RSPH14: variants seen among roughly 807,000 people sequenced by gnomAD.
The protein encoded by RSPH14 is rhabdoid tumor deletion region gene 1.
A neutral mutation model predicts 26.7 loss-of-function variants in RSPH14; 20 were observed. The ratio of observed to expected loss-of-function variants is 0.75; its 90% CI spans 0.53 to 1.09. RSPH14 has a LOEUF of 1.09. Ranked by LOEUF, RSPH14 falls within the 50% of genes least tolerant of loss-of-function variation. The pLI is 0.00. For missense variants in RSPH14, 449 were observed against 457.2 expected, an observed-to-expected ratio of 0.98 and a Z score of 0.16; for synonymous variants, 177 against 189.3, an observed-to-expected ratio of 0.93 and a Z score of 0.53.
Position 23,140,361 on chromosome 22 carries a change from G to T in RSPH14, c.60C>A (p.Thr20=). The stretch of plus-strand genomic sequence containing the variant: ...GCAGGGCCCGATGGCCATAGGCAGT[G>T]GTAATCTGGGTGGCATTGATGTTAA... ...LPININATQI[T]TAYGHRALPK... is the part of the protein sequence containing the mutation. The change falls in exon 2 of 7, where the codon ACC becomes ACA. Residue 20 remains threonine (T), a synonymous_variant. Coordinates refer to ENST00000216036, the MANE Select transcript of RSPH14 (RefSeq NM_014433.3). The T allele has an allele frequency of 6.2e-7, 1 of 1,614,204 alleles. No individual in the cohort carries two copies. Among genetic ancestry groups the T allele is most frequent in the Non-Finnish European group, 8.5e-7 (1 of 1,180,036 alleles).
chr22:23,124,491 G>T, intron 4 of RSPH14: 1 of 390,614 alleles, frequency 2.6e-6, no homozygotes, highest in Non-Finnish European at 5.5e-6. Flanking sequence ...GTTAATGGTG[G>T]GGTTTTCTGC....
intron 5 of RSPH14, among the ~76,000 whole-genome samples, 192 bp from the exon 6 acceptor site, chr22:23,062,137 G>A (rs77841639): frequency 3.3e-5 from 5 of 152,318 alleles, no homozygotes; most frequent in South Asian, 2.1e-4. Flanking sequence ...TGGTGTGAAC[G>A]CGGCCCACTG....
intron 3 of RSPH14, 82 bp from the exon 4 acceptor site, chr22:23,134,226 G>T: frequency 9.6e-7 from 1 of 1,044,628 alleles, no homozygotes; most frequent in Non-Finnish European, 1.4e-6. Flanking sequence ...GTCCCTGCTG[G>T]AGTCTGATCC....
At chr22:23,099,718 A>C (rs1465465130) in intron 4 of RSPH14, among the ~76,000 whole-genome samples, 1 of 152,240 alleles carries the variant, frequency 6.6e-6, no homozygotes, top group Non-Finnish European at 1.5e-5. Flanking sequence ...TCTTTAGTAC[A>C]TTCACACAAG....
In RSPH14 at chr22:23,080,849, T is replaced by C. The variant is rs1346594056; in HGVS notation, c.422-16716A>G. On this transcript the variant is annotated intron_variant, in intron 4 of 6. Transcript: ENST00000216036. ...GCAAAAACCCTTTTTACCTCTGTCATCAGCACTCACTGGATTAATGGGTGC... is the reference window on the plus strand; with the variant it reads ...GCAAAAACCCTTTTTACCTCTGTCACCAGCACTCACTGGATTAATGGGTGC... Among the ~76,000 whole-genome samples the C allele has an allele frequency of 2.6e-5, 4 of 152,254 alleles. No individual in the cohort carries two copies. In the East Asian group the frequency reaches 7.7e-4, roughly 29 times the overall value.
At chr22:23,082,985 G>T (rs2068723302) in intron 4 of RSPH14, among the ~76,000 whole-genome samples, 1 of 152,122 alleles carries the variant, frequency 6.6e-6, no homozygotes, top group Non-Finnish European at 1.5e-5. Context: ...GCGTGAGCTG[G>T]CTGGGATGGG....
chr22:23,161,133 G>A, the RSPH14 span: 5 of 1,084,758 alleles, frequency 4.6e-6, no homozygotes, highest in Non-Finnish European at 6.5e-6. Context: ...CCTCCTCTCA[G>A]GGTGTCACTG....
At chr22:23,099,685 C>G (rs2069238300) in intron 4 of RSPH14, among the ~76,000 whole-genome samples, 1 of 152,238 alleles carries the variant, frequency 6.6e-6, no homozygotes, top group Non-Finnish European at 1.5e-5. Flanking sequence ...TAGCCAGAGC[C>G]ATGGCAGAGG....
At chr22:23,165,958 A>T in the RSPH14 span, among the ~76,000 whole-genome samples, 3 of 152,116 alleles carry the variant, frequency 2.0e-5, no homozygotes, top group Non-Finnish European at 2.9e-5. Context: ...CATCCTGGCT[A>T]ACATGGTGAA....
At chr22:23,169,137 G>C in the RSPH14 span, among the ~76,000 whole-genome samples, 1 of 152,232 alleles carries the variant, frequency 6.6e-6, no homozygotes, top group Non-Finnish European at 1.5e-5. Flanking sequence ...CCCAGGTCTG[G>C]AAGGGAAGGT....
At chr22:23,179,283 GT>G in the RSPH14 span, among the ~76,000 whole-genome samples, 34,809 of 152,106 alleles carry the variant, frequency 0.23, 4,482 homozygotes, top group East Asian at 0.35. Context: ...AGAGGGAGAG[GT>G]GGTCAGGACT....
At chr22:23,093,140 T>C (rs977857310) in intron 4 of RSPH14, among the ~76,000 whole-genome samples, 1 of 152,232 alleles carries the variant, frequency 6.6e-6, no homozygotes, top group Non-Finnish European at 1.5e-5. Flanking sequence ...TAAGCAGATG[T>C]TCTGCCCACT....
intron 4 of RSPH14, among the ~76,000 whole-genome samples, chr22:23,125,722 C>G (rs2070166716): frequency 6.6e-6 from 1 of 152,198 alleles, no homozygotes; most frequent in Admixed American, 6.5e-5. Context: ...GCAGTCAAGC[C>G]AGGATTCACC....
intron 4 of RSPH14, among the ~76,000 whole-genome samples, chr22:23,125,764 GC>G (rs1358576069): frequency 1.3e-5 from 2 of 152,196 alleles, no homozygotes; most frequent in African/African-American, 4.8e-5. Context: ...CACTGGAGGA[GC>G]AGAGACGCTG....
the RSPH14 span, chr22:23,156,416 G>A: frequency 1.1e-5 from 2 of 175,542 alleles, no homozygotes; most frequent in African/African-American, 4.8e-5. Flanking sequence ...GAGTAGGAGT[G>A]AAAGGGGGAC....
At chr22:23,089,160 G>A (rs4820536) in intron 4 of RSPH14, among the ~76,000 whole-genome samples, 36,508 of 152,112 alleles carry the variant, frequency 0.24, 4,681 homozygotes, top group East Asian at 0.36. Context: ...GAGGAAGTCA[G>A]GCACAGTGAT....
At chr22:23,060,299 G>A (rs1189628919) in intron 6 of RSPH14, among the ~76,000 whole-genome samples, 1 of 151,866 alleles carries the variant, frequency 6.6e-6, no homozygotes, top group East Asian at 1.9e-4. Context: ...GTGAAACCCC[G>A]TCTCTATTAA....
At chr22:23,068,901 C>A (rs751739783) in intron 4 of RSPH14, among the ~76,000 whole-genome samples, 1 of 152,198 alleles carries the variant, frequency 6.6e-6, no homozygotes, top group Non-Finnish European at 1.5e-5. Flanking sequence ...AAGGCAAGCA[C>A]AAAGGGTAGC....
At chr22:23,086,542 A>G (rs2068825305) in intron 4 of RSPH14, among the ~76,000 whole-genome samples, 1 of 152,112 alleles carries the variant, frequency 6.6e-6, no homozygotes, top group African/African-American at 2.4e-5. Context: ...CAGGCACACT[A>G]TAGTTGAGGA....
Sources: allele counts gnomAD v4.1 joint callset (sites outside exome capture counted in the v4.1 genomes callset), GRCh38; gene constraint gnomAD v4.1.1; transcripts MANE v1.5; gene names NCBI Gene and HGNC (gene_info 2026-07-23, HGNC 2026-07-21).